PAK5: variants seen among roughly 807,000 people sequenced by gnomAD.
The protein encoded by PAK5 is serine/threonine-protein kinase PAK 5.
Under a neutral mutation model 65.9 loss-of-function variants are expected in PAK5, and 16 were observed. That is an observed-to-expected ratio of 0.24 (90% CI 0.16 to 0.37). The LOEUF (loss-of-function observed/expected upper bound fraction) is 0.37. Ranked by LOEUF, PAK5 falls within the 10% of genes least tolerant of loss-of-function variation. The probability of loss-of-function intolerance (pLI) is 1.00; values close to 1 mark genes in which losing one functional copy is unlikely to be tolerated. For missense variants in PAK5, 785 were observed against 903.9 expected (o/e 0.87, Z 1.69); for synonymous variants, 371 against 354.9 (o/e 1.05, Z -0.51).
At chr20:9,771,348 T>C (rs1048854754) in intron 1 of PAK5, among the ~76,000 whole-genome samples, 9 of 152,134 alleles carry the variant, frequency 5.9e-5, no homozygotes, top group African/African-American at 2.2e-4. Context: ...CAACCTAACA[T>C]ACTCCAGTTT....
chr20:9,736,809 T>C (rs2048394503), intron 1 of PAK5, among the ~76,000 whole-genome samples: 1 of 152,186 alleles, frequency 6.6e-6, no homozygotes, highest in Non-Finnish European at 1.5e-5. Context: ...TATTTTATGT[T>C]CACAACTCCA....
At chr20:9,668,448 C>T (rs1045413621) in intron 2 of PAK5, among the ~76,000 whole-genome samples, 2 of 152,120 alleles carry the variant, frequency 1.3e-5, no homozygotes, top group Non-Finnish European at 2.9e-5. Context: ...AAGATGATAT[C>T]TACCTGCCTT....
chr20:9,828,597 A>C (rs1978464276), intron 1 of PAK5, among the ~76,000 whole-genome samples: 1 of 152,206 alleles, frequency 6.6e-6, no homozygotes, highest in Admixed American at 6.5e-5. Context: ...CTATAAAATA[A>C]GGGGGCAACA....
chr20:9,585,044 A>C (rs1301054307), intron 3 of PAK5, among the ~76,000 whole-genome samples: 1 of 152,220 alleles, frequency 6.6e-6, no homozygotes, highest in Non-Finnish European at 1.5e-5. Context: ...ATCTTATCTT[A>C]TCCAGACTTT....
chr20:9,562,739 T>A (rs532246483), intron 6 of PAK5, 152 bp downstream of exon 6: 187 of 660,340 alleles, frequency 2.8e-4, no homozygotes, highest in Non-Finnish European at 4.1e-4. Context: ...CCTGAGAGCA[T>A]AATGGGCCCT....
chr20:9,814,751 T>C (rs573114748), intron 1 of PAK5, among the ~76,000 whole-genome samples: 11 of 152,312 alleles, frequency 7.2e-5, no homozygotes, highest in African/African-American at 2.6e-4. Flanking sequence ...AATCCCCAAA[T>C]GCCATATTTT....
chr20:9,599,742 T>A lies in PAK5; in HGVS notation c.205-18812A>T, dbSNP rs199673847. Among the ~76,000 whole-genome samples the A allele has an allele frequency of 2.6e-5, 4 of 152,328 alleles. No individual in the cohort carries two copies. The East Asian group carries it at 7.7e-4, about 29-fold the overall frequency. ...TGCTGAGTTGTTACAGATTTTTCTA[T>A]ATTCTGGGTATTAATCCCTTATCAG... On this transcript the variant is annotated intron_variant, in intron 3 of 9. Coordinates refer to ENST00000353224, the MANE Select transcript of PAK5 (RefSeq NM_177990.4).
At chr20:9,648,520 A>G (rs1191260501) in intron 2 of PAK5, among the ~76,000 whole-genome samples, 1 of 150,416 alleles carries the variant, frequency 6.6e-6, no homozygotes. Flanking sequence ...GCCATTCTTT[A>G]TCAGGGAATG....
At chr20:9,829,123 G>T (rs1330728592) in intron 1 of PAK5, among the ~76,000 whole-genome samples, 1 of 152,186 alleles carries the variant, frequency 6.6e-6, no homozygotes, top group Non-Finnish European at 1.5e-5. Flanking sequence ...TAAGTTAAAT[G>T]TGCTTCTTAT....
intron 2 of PAK5, among the ~76,000 whole-genome samples, chr20:9,650,503 C>T (rs1445883273): frequency 6.6e-6 from 1 of 152,160 alleles, no homozygotes; most frequent in Non-Finnish European, 1.5e-5. Flanking sequence ...AAACTTATTT[C>T]TCTGGTTTTC....
intron 6 of PAK5, among the ~76,000 whole-genome samples, chr20:9,561,689 A>G (rs1279229584): frequency 6.6e-6 from 1 of 152,182 alleles, no homozygotes; most frequent in East Asian, 1.9e-4. Flanking sequence ...TCCACCAATT[A>G]TGTACCTGGA....
chr20:9,626,472 C>A (rs564987576), intron 3 of PAK5, among the ~76,000 whole-genome samples: 2 of 152,268 alleles, frequency 1.3e-5, no homozygotes, highest in South Asian at 4.1e-4. Context: ...CATTAGATTG[C>A]ACTACATGTA....
chr20:9,735,959 T>C (rs562860943), intron 1 of PAK5, among the ~76,000 whole-genome samples: 11 of 150,020 alleles, frequency 7.3e-5, no homozygotes, highest in Admixed American at 3.4e-4. Flanking sequence ...TGGAGTGCAA[T>C]GGCATGATCT....
chr20:9,599,778 T>C (rs188567769), intron 3 of PAK5, among the ~76,000 whole-genome samples: 91 of 152,336 alleles, frequency 6.0e-4, no homozygotes, highest in African/African-American at 2.2e-3. Flanking sequence ...ATATATTATT[T>C]GCAACTATTT....
chr20:9,538,860 T>G lies in PAK5; in HGVS notation c.*602A>C. 4.3e-6 allele frequency: 1 copy of G among 233,264 alleles called. No individual in the cohort carries two copies. Among genetic ancestry groups the G allele is most frequent in the Non-Finnish European group, 8.5e-6 (1 of 117,824 alleles). The allele number at this position is 233,264 out of a possible 1,614,324, so 14.4% of individuals were successfully genotyped here. ...GACGGTGATTGAGAGTCATTCAGTA[T>G]TCAAAGTTCCTAAAGAATCATTGGT... is the stretch of plus-strand genomic sequence containing the variant. On this transcript the variant is annotated 3_prime_UTR_variant, in exon 10 of 10. Transcript: ENST00000353224.
At chr20:9,775,633 G>A (rs1416411197) in intron 1 of PAK5, among the ~76,000 whole-genome samples, 1 of 152,260 alleles carries the variant, frequency 6.6e-6, no homozygotes, top group South Asian at 2.1e-4. Flanking sequence ...ATGTATTAAT[G>A]CACCTTAACC....
chr20:9,542,877 G>A (rs769744157), intron 8 of PAK5, among the ~76,000 whole-genome samples, 157 bp from the exon 9 acceptor site: 5 of 152,164 alleles, frequency 3.3e-5, no homozygotes, highest in Non-Finnish European at 7.4e-5. Context: ...CTGGGTTACC[G>A]AGTTTTTGCT....
chr20:9,723,021 C>G (rs1012788903), intron 1 of PAK5, among the ~76,000 whole-genome samples: 2 of 152,082 alleles, frequency 1.3e-5, no homozygotes, highest in African/African-American at 4.8e-5. Context: ...TGTGAGCCAC[C>G]GTGCCTGGTG....
chr20:9,759,080 C>T (rs1234704952), intron 1 of PAK5, among the ~76,000 whole-genome samples: 1 of 152,040 alleles, frequency 6.6e-6, no homozygotes, highest in African/African-American at 2.4e-5. Flanking sequence ...ACTGAGAAAG[C>T]AAGCAAGCAT....
Sources: allele counts gnomAD v4.1 joint callset (sites outside exome capture counted in the v4.1 genomes callset), GRCh38; gene constraint gnomAD v4.1.1; transcripts MANE v1.5; gene names NCBI Gene and HGNC (gene_info 2026-07-23, HGNC 2026-07-21).